TDRD3: variants seen among roughly 807,000 people sequenced by gnomAD.
TDRD3 encodes the protein tudor domain-containing protein 3.
A neutral mutation model predicts 86.7 loss-of-function variants in TDRD3; 45 were observed. That is an observed-to-expected ratio of 0.52 (90% CI 0.41 to 0.67). TDRD3 has a LOEUF of 0.67. Among genes scored for constraint, TDRD3 ranks in the 30% least tolerant of loss-of-function variants. TDRD3 has a pLI of 0.00. For synonymous variants in TDRD3, 298 were observed against 301.7 expected, an observed-to-expected ratio of 0.99 and a Z score of 0.13; for missense variants, 814 against 889.0, an observed-to-expected ratio of 0.92 and a Z score of 1.07.
intron 3 of TDRD3, among the ~76,000 whole-genome samples, chr13:60,449,406 A>T (rs916380718): frequency 1.3e-5 from 2 of 152,140 alleles, no homozygotes; most frequent in Admixed American, 6.6e-5. Flanking sequence ...ATAACTGAAA[A>T]ATAAACTATT....
chr13:60,468,825 A>G (rs1187589630), intron 5 of TDRD3, among the ~76,000 whole-genome samples: 2 of 152,220 alleles, frequency 1.3e-5, no homozygotes, highest in Non-Finnish European at 2.9e-5. Context: ...TACAAAGCAC[A>G]TAAAAAATAT....
chr13:60,567,063 T>C (rs1352262461), intron 12 of TDRD3, among the ~76,000 whole-genome samples: 1 of 152,186 alleles, frequency 6.6e-6, no homozygotes, highest in Admixed American at 6.5e-5. Flanking sequence ...CTGATGAACA[T>C]TCTTTGGCTC....
intron 8 of TDRD3, among the ~76,000 whole-genome samples, chr13:60,505,509 A>C (rs926026319): frequency 6.6e-6 from 1 of 152,206 alleles, no homozygotes; most frequent in Non-Finnish European, 1.5e-5. Context: ...GGCTGTGGGC[A>C]CAGCTTCAGC....
intron 12 of TDRD3, among the ~76,000 whole-genome samples, chr13:60,543,042 G>T (rs1232424654): frequency 6.6e-6 from 1 of 152,142 alleles, no homozygotes; most frequent in Non-Finnish European, 1.5e-5. Context: ...TTAAACTTGG[G>T]AACCACTGGC....
At chr13:60,404,945 A>T (rs1039058838) in intron 1 of TDRD3, among the ~76,000 whole-genome samples, 34 of 152,136 alleles carry the variant, frequency 2.2e-4, no homozygotes, top group African/African-American at 8.0e-4. Context: ...ACAAGATCTG[A>T]TGGTTTTAAA....
chr13:60,450,292 G>A (rs1405880659), intron 3 of TDRD3, among the ~76,000 whole-genome samples: 2 of 152,004 alleles, frequency 1.3e-5, no homozygotes, highest in Non-Finnish European at 2.9e-5. Context: ...CTTTTGAGCA[G>A]AATTAATTTT....
intron 8 of TDRD3, among the ~76,000 whole-genome samples, chr13:60,503,726 A>C (rs1956880152): frequency 6.6e-6 from 1 of 152,204 alleles, no homozygotes; most frequent in African/African-American, 2.4e-5. Flanking sequence ...TATGAAATAG[A>C]ATTCCATATT....
intron 12 of TDRD3, among the ~76,000 whole-genome samples, chr13:60,552,939 C>T (rs1348198375): frequency 1.3e-5 from 2 of 152,200 alleles, no homozygotes; most frequent in African/African-American, 4.8e-5. Context: ...CAGGGCCCTC[C>T]AGCCACAAAC....
intron 11 of TDRD3, among the ~76,000 whole-genome samples, chr13:60,533,052 C>T (rs1295357512): frequency 2.6e-5 from 4 of 152,000 alleles, no homozygotes; most frequent in Non-Finnish European, 4.4e-5. Flanking sequence ...AATTTGGCAA[C>T]TCAGAACAAT....
At chr13:60,485,716 T>C (rs1956416971) in intron 6 of TDRD3, 83 bp from the exon 7 acceptor site, 1 of 1,123,966 alleles carries the variant, frequency 8.9e-7, no homozygotes, top group African/African-American at 1.6e-5. Context: ...TACAAGATAC[T>C]TTTGAAGAAG....
chr13:60,567,610 A>C lies in TDRD3; in HGVS notation c.2204A>C (p.Gln735Pro). Residue 735 changes from glutamine (Q) to proline (P), a missense_variant, in exon 13 of 14, where the codon CAG becomes CCG. Transcript: ENST00000377881. The part of the protein sequence containing the change: ...QPRRSTRPTQ[Q>P]FYQPPRARN ...AGACGATCCACTCGGCCAACCCAAC[A>C]GTTTTACCAACCACCCCGGGCTCGG... 2 of 1,614,174 alleles carry C rather than the reference A, an allele frequency of 1.2e-6. No individual in the cohort carries two copies. The highest frequency in any genetic ancestry group is 1.7e-6 in the Non-Finnish European group (2 of 1,180,028).
intron 1 of TDRD3, among the ~76,000 whole-genome samples, chr13:60,433,717 A>G (rs1042214557): frequency 1.3e-5 from 2 of 152,232 alleles, no homozygotes; most frequent in African/African-American, 4.8e-5. Flanking sequence ...GGAAATCTAA[A>G]AGCTAAAAAT....
At position 60,567,509 on chromosome 13, in the gene TDRD3, T is replaced by G; in HGVS notation, c.2119-16T>G. 6.2e-7 allele frequency: 1 copy of G among 1,614,102 alleles called. No homozygotes were observed. Among genetic ancestry groups the G allele is most frequent in the Non-Finnish European group, 8.5e-7 (1 of 1,180,012 alleles). ...AGCCATTTTGAACATGTAAAATCACTACTCTTTGCAAATAGGAGGAAGAAG... is the reference window on the plus strand; with the variant it reads ...AGCCATTTTGAACATGTAAAATCACGACTCTTTGCAAATAGGAGGAAGAAG... On this transcript the variant is annotated splice_polypyrimidine_tract_variant and intron_variant, in intron 12 of 13. Coordinates refer to ENST00000377881, the MANE Select transcript of TDRD3 (RefSeq NM_001146070.2).
intron 12 of TDRD3, among the ~76,000 whole-genome samples, chr13:60,562,305 T>C (rs1958351976): frequency 6.6e-6 from 1 of 151,634 alleles, no homozygotes; most frequent in African/African-American, 2.4e-5. Flanking sequence ...ACAGCAAGAC[T>C]CAGTCTCCCT....
intron 2 of TDRD3, among the ~76,000 whole-genome samples, chr13:60,442,466 A>G (rs1955304222): frequency 6.6e-6 from 1 of 151,924 alleles, no homozygotes; most frequent in Non-Finnish European, 1.5e-5. Context: ...TTTACAGGCT[A>G]AAAGTTTTCC....
chr13:60,402,260 A>C (rs116433699), intron 1 of TDRD3, among the ~76,000 whole-genome samples: 1 of 152,144 alleles, frequency 6.6e-6, no homozygotes, highest in African/African-American at 2.4e-5. Context: ...CCTTTTTTCC[A>C]GGAGATTGCT....
chr13:60,553,484 A>G (rs1441518197), intron 12 of TDRD3, among the ~76,000 whole-genome samples: 5 of 151,886 alleles, frequency 3.3e-5, no homozygotes, highest in Admixed American at 1.3e-4. Context: ...GCTGGTACCA[A>G]TTCTCTGTAT....
chr13:60,550,495 G>C (rs898285701), intron 12 of TDRD3, among the ~76,000 whole-genome samples: 22 of 151,972 alleles, frequency 1.4e-4, no homozygotes, highest in African/African-American at 5.3e-4. Context: ...ACTTTAACTT[G>C]CATGAATTTT....
At chr13:60,455,917 A>G (rs1477776580) in intron 3 of TDRD3, among the ~76,000 whole-genome samples, 1 of 151,992 alleles carries the variant, frequency 6.6e-6, no homozygotes, top group Non-Finnish European at 1.5e-5. Context: ...AAAAGATAGA[A>G]AAATTAGCTG....
Sources: gnomAD v4.1 joint callset for allele counts (sites outside exome capture counted in the v4.1 genomes callset) on GRCh38, gnomAD v4.1.1 for gene constraint, MANE v1.5 for transcripts, NCBI Gene and HGNC (gene_info 2026-07-23, HGNC 2026-07-21) for gene names.